The following KCNK12 variants were observed in gnomAD, a reference collection of about 807,000 sequenced individuals.
The protein encoded by KCNK12 is potassium two pore domain channel subfamily K member 12.
In KCNK12, 6 loss-of-function variants were observed where a neutral mutation model predicts 25.3. That is an observed-to-expected ratio of 0.24 (90% CI 0.13 to 0.47). The LOEUF is 0.47. Ranked by LOEUF, KCNK12 falls within the 20% of genes least tolerant of loss-of-function variation. The probability of loss-of-function intolerance (pLI) is 0.99; values close to 1 mark genes in which losing one functional copy is unlikely to be tolerated. For missense variants in KCNK12, 444 were observed against 661.7 expected, an observed-to-expected ratio of 0.67 and a Z score of 3.61; for synonymous variants, 331 against 311.1, an observed-to-expected ratio of 1.06 and a Z score of -0.67.
rs947335324 is a variant in KCNK12 at position 47,548,795 on chromosome 2, T to C, written c.391+21146A>G. Among the ~76,000 whole-genome samples, 31 of 152,330 alleles carry C rather than the reference T, an allele frequency of 2.0e-4. No homozygotes were observed. Among genetic ancestry groups the C allele is most frequent in the Admixed American group, 2.0e-3 (31 of 15,304 alleles). On this transcript the variant is annotated intron_variant, in intron 1 of 1. Transcript: ENST00000327876. This position sits in a 1 kb window ranked among gnomAD's most constrained non-coding sequence, Gnocchi z 4.4. ...CCCTTCAAAAGCCCTGGTTTTTGCC[T>C]GGTGGCAGCTTTCAGACAGCCATGG... is the stretch of plus-strand genomic sequence containing the variant.
chr2:47,523,298 A>G (rs1341480885), intron 1 of KCNK12, among the ~76,000 whole-genome samples: 1 of 152,130 alleles, frequency 6.6e-6, no homozygotes, highest in Non-Finnish European at 1.5e-5. Flanking sequence ...TAGTCCACCC[A>G]CACCCTTCAG....
At chr2:47,564,015 G>T (rs76015474) in intron 1 of KCNK12, 1 of 231,280 alleles carries the variant, frequency 4.3e-6, no homozygotes, top group Non-Finnish European at 8.6e-6. Context: ...GCCCCCACCT[G>T]TTTTTTCTTC....
In KCNK12 at chr2:47,513,638, C is replaced by T. The variant is rs2104672800; in HGVS notation, c.*7269G>A. Among the ~76,000 whole-genome samples, 1 of 152,278 alleles carries T rather than the reference C, an allele frequency of 6.6e-6. No homozygotes were observed. The highest frequency in any genetic ancestry group is 2.4e-5 in the African/African-American group (1 of 41,556). On this transcript the variant is annotated 3_prime_UTR_variant, in exon 2 of 2. Transcript: ENST00000327876. ...CAATTGCTTGGTGGGAACCCCTCCC[C>T]CATGGTTATCTCATGGGTCCCTGAA...
rs1573634705 is a variant in KCNK12, at chr2:47,533,410, C to T, written c.392-11602G>A. Reference sequence around the variant, plus strand: ...GGACATAGTAAGCTCCCCAAAAGCACCAAGCTTAGCTGGGAAGCACGATGG... The same window carrying T: ...GGACATAGTAAGCTCCCCAAAAGCATCAAGCTTAGCTGGGAAGCACGATGG... On this transcript the variant is annotated intron_variant, in intron 1 of 1. Transcript: ENST00000327876. The surrounding 1 kb of genome is among the most constrained non-coding windows in gnomAD (Gnocchi z 4.7). Among the ~76,000 whole-genome samples, 1 of 152,310 alleles carries T rather than the reference C, an allele frequency of 6.6e-6. No homozygotes were observed. Among genetic ancestry groups the T allele is most frequent in the East Asian group, 1.9e-4 (1 of 5,178 alleles).
In KCNK12 at chr2:47,562,177, C is replaced by T. The variant is rs977870948; in HGVS notation, c.391+7764G>A. The T allele has an allele frequency of 1.8e-5, 7 of 398,612 alleles. No individual in the cohort carries two copies. The highest frequency in any genetic ancestry group is 6.3e-4 in the Middle Eastern group (1 of 1,590). 24.7% of individuals were successfully genotyped at this position (398,612 alleles called of 1,614,324 possible). Reference sequence around the variant, plus strand: ...CCACCCCAGACCTACTCAACAGAAACTACTTGGTAAGCAGATTCCCAGGTG... The same window carrying T: ...CCACCCCAGACCTACTCAACAGAAATTACTTGGTAAGCAGATTCCCAGGTG... On this transcript the variant is annotated intron_variant, in intron 1 of 1. Transcript: ENST00000327876. This position sits in a 1 kb window ranked among gnomAD's most constrained non-coding sequence, Gnocchi z 4.8.
At chr2:47,552,869 T>C (rs942390525) in intron 1 of KCNK12, among the ~76,000 whole-genome samples, 1 of 152,148 alleles carries the variant, frequency 6.6e-6, no homozygotes, top group African/African-American at 2.4e-5. Flanking sequence ...GAGGGGGGAA[T>C]GGAGAGCAAG....
In KCNK12 at chr2:47,562,065, T is replaced by G; in HGVS notation, c.391+7876A>C. On this transcript the variant is annotated intron_variant, in intron 1 of 1. Transcript: ENST00000327876. This position sits in a 1 kb window ranked among gnomAD's most constrained non-coding sequence, Gnocchi z 4.8. Reference sequence around the variant, plus strand: ...CAGGTCTAGACTCCTAGTGCCTGACTCACCGCTGTTCTCTCTACCCTAGCG... The same window carrying G: ...CAGGTCTAGACTCCTAGTGCCTGACGCACCGCTGTTCTCTCTACCCTAGCG... 2.5e-6 allele frequency: 1 copy of G among 398,612 alleles called. No individual in the cohort carries two copies. Among genetic ancestry groups the G allele is most frequent in the Admixed American group, 4.4e-5 (1 of 22,730 alleles). 24.7% of individuals were successfully genotyped at this position (398,612 alleles called of 1,614,324 possible).
At chr2:47,552,527 G>A (rs1669459592) in intron 1 of KCNK12, among the ~76,000 whole-genome samples, 1 of 152,178 alleles carries the variant, frequency 6.6e-6, no homozygotes, top group Non-Finnish European at 1.5e-5. Flanking sequence ...CAACACTTTG[G>A]GAGGCTAAAG....
rs547042632 is a variant in KCNK12 at position 47,528,317 on chromosome 2, C to T, written c.392-6509G>A. 41 of 152,628 alleles carry T rather than the reference C, an allele frequency of 2.7e-4. No homozygotes were observed. Among genetic ancestry groups the T allele is most frequent in the African/African-American group, 9.9e-4 (41 of 41,586 alleles). 9.5% of individuals were successfully genotyped at this position (152,628 alleles called of 1,614,324 possible). On this transcript the variant is annotated intron_variant, in intron 1 of 1. Coordinates refer to ENST00000327876, the MANE Select transcript of KCNK12 (RefSeq NM_022055.2). This position sits in a 1 kb window ranked among gnomAD's most constrained non-coding sequence, Gnocchi z 4.5. Reference sequence around the variant, plus strand: ...TTCCTACAGAGCACACTCAGCTCATCCTGGGAGACAAGGTGGGGGTGGAGG... The same window carrying T: ...TTCCTACAGAGCACACTCAGCTCATTCTGGGAGACAAGGTGGGGGTGGAGG...
intron 1 of KCNK12, chr2:47,527,840 A>G (rs1668821720): frequency 6.6e-6 from 1 of 152,280 alleles, no homozygotes; most frequent in African/African-American, 2.4e-5. Context: ...TCCTTCAGCA[A>G]ACATTTACTG....
rs1038974561 is a variant in KCNK12, at chr2:47,525,345, A to G, written c.392-3537T>C. 6.6e-6 allele frequency among the ~76,000 whole-genome samples: 1 copy of G among 152,190 alleles called. No homozygotes were observed. The highest frequency in any genetic ancestry group is 2.4e-5 in the African/African-American group (1 of 41,444). ...GGGGATGGTTGGAGCAGGGAAGGTC[A>G]AGAGGACTTATGGAGTGTCAGCAAG... On this transcript the variant is annotated intron_variant, in intron 1 of 1. Transcript: ENST00000327876. This position sits in a 1 kb window ranked among gnomAD's most constrained non-coding sequence, Gnocchi z 4.1.
At chr2:47,553,322 A>G (rs555646000) in intron 1 of KCNK12, among the ~76,000 whole-genome samples, 3 of 152,374 alleles carry the variant, frequency 2.0e-5, no homozygotes, top group South Asian at 4.1e-4. Context: ...TTGGAATCAT[A>G]TAGCAGTTCA....
intron 1 of KCNK12, among the ~76,000 whole-genome samples, chr2:47,554,488 C>T (rs565516248): frequency 8.5e-5 from 13 of 152,272 alleles, no homozygotes; most frequent in South Asian, 8.3e-4. Context: ...CAGAGCAGTG[C>T]GCCAGGCAGC....
At chr2:47,545,550 C>T (rs1270292894) in intron 1 of KCNK12, among the ~76,000 whole-genome samples, 1 of 152,206 alleles carries the variant, frequency 6.6e-6, no homozygotes, top group Non-Finnish European at 1.5e-5. Context: ...TTCGCAGCAC[C>T]AACTTTGTGG....
chr2:47,542,512 T>C (rs1669222308), intron 1 of KCNK12, among the ~76,000 whole-genome samples: 1 of 152,224 alleles, frequency 6.6e-6, no homozygotes, highest in East Asian at 1.9e-4. Flanking sequence ...CCCTTCTTGC[T>C]CCCTTTCATG....
At chr2:47,524,907 T>G (rs1263295888) in intron 1 of KCNK12, among the ~76,000 whole-genome samples, 4 of 152,158 alleles carry the variant, frequency 2.6e-5, no homozygotes, top group Non-Finnish European at 5.9e-5. Context: ...GCTTCAAGCC[T>G]GGTGCATAGA....
chr2:47,536,769 G>A (rs1438464610), intron 1 of KCNK12, among the ~76,000 whole-genome samples: 1 of 152,204 alleles, frequency 6.6e-6, no homozygotes, highest in Non-Finnish European at 1.5e-5. Flanking sequence ...AGGACTTAAG[G>A]AAGCAGGCTT....
chr2:47,524,537 G>T (rs1164352857), intron 1 of KCNK12, among the ~76,000 whole-genome samples: 1 of 152,184 alleles, frequency 6.6e-6, no homozygotes, highest in Non-Finnish European at 1.5e-5. Flanking sequence ...TGCATGCATG[G>T]TTGGTAAAAT....
Position 47,514,883 on chromosome 2 carries a change from A to T in KCNK12, c.*6024T>A, listed in dbSNP as rs1668485297. 6.6e-6 allele frequency among the ~76,000 whole-genome samples: 1 copy of T among 152,186 alleles called. No homozygotes were observed. Among genetic ancestry groups the T allele is most frequent in the African/African-American group, 2.4e-5 (1 of 41,450 alleles). On this transcript the variant is annotated 3_prime_UTR_variant, in exon 2 of 2. Coordinates refer to ENST00000327876, the MANE Select transcript of KCNK12 (RefSeq NM_022055.2). This position sits in a 1 kb window ranked among gnomAD's most constrained non-coding sequence, Gnocchi z 5.0. ...TGTCTCAGCCTCCCAAAGTGCTGGG[A>T]TTATAGACATGAGCCACCATGCCCA...
Sources: allele counts gnomAD v4.1 joint callset (sites outside exome capture counted in the v4.1 genomes callset), GRCh38; gene constraint gnomAD v4.1.1; non-coding constraint Gnocchi (gnomAD v3.1); transcripts MANE v1.5; gene names NCBI Gene and HGNC (gene_info 2026-07-23, HGNC 2026-07-21).